B4GALNT3: variants seen among roughly 807,000 people sequenced by gnomAD.
The protein encoded by B4GALNT3 is beta-1,4-N-acetylgalactosaminyltransferase 3.
A neutral mutation model predicts 120.2 loss-of-function variants in B4GALNT3; 86 were observed. The ratio of observed to expected loss-of-function variants is 0.72; its 90% CI spans 0.60 to 0.86. The LOEUF is 0.86. Ranked by LOEUF, B4GALNT3 falls within the 40% of genes least tolerant of loss-of-function variation. B4GALNT3 has a pLI of 0.00. For synonymous variants in B4GALNT3, 518 were observed against 510.4 expected (o/e 1.01, Z -0.20); for missense variants, 1,167 against 1,298.9 (o/e 0.90, Z 1.56).
At chr12:547,056 G>A (rs1253459850) in intron 7 of B4GALNT3, among the ~76,000 whole-genome samples, 1 of 152,190 alleles carries the variant, frequency 6.6e-6, no homozygotes, top group African/African-American at 2.4e-5. Context: ...CCCCTCGGTC[G>A]TCTGGGGACA....
chr12:519,208 A>C (rs1272516396), intron 1 of B4GALNT3, among the ~76,000 whole-genome samples: 2 of 152,236 alleles, frequency 1.3e-5, no homozygotes, highest in Non-Finnish European at 2.9e-5. Flanking sequence ...AATTGCCTAC[A>C]ACAGGCTCTT....
chr12:507,729 G>A (rs1356474353), intron 1 of B4GALNT3, among the ~76,000 whole-genome samples: 1 of 152,270 alleles, frequency 6.6e-6, no homozygotes, highest in Non-Finnish European at 1.5e-5. Flanking sequence ...GCACTAGGTA[G>A]CAGCATTCCA....
At chr12:549,373 G>GTGCTT (rs1349114800) in intron 9 of B4GALNT3, among the ~76,000 whole-genome samples, 1 of 152,234 alleles carries the variant, frequency 6.6e-6, no homozygotes, top group Non-Finnish European at 1.5e-5. Flanking sequence ...AAGGCATGTG[G>GTGCTT]TGCTTTTGGA....
chr12:529,164 C>T (rs908175951), intron 1 of B4GALNT3, among the ~76,000 whole-genome samples: 1 of 152,150 alleles, frequency 6.6e-6, no homozygotes, highest in African/African-American at 2.4e-5. Flanking sequence ...GAGCCCTGCC[C>T]CAAAAGAGCT....
intron 1 of B4GALNT3, among the ~76,000 whole-genome samples, chr12:505,577 C>T (rs919545966): frequency 1.3e-5 from 2 of 152,224 alleles, no homozygotes; most frequent in African/African-American, 4.8e-5. Flanking sequence ...TTTGCCCCAT[C>T]CTTGAGTTTG....
At position 559,327 on chromosome 12, in the gene B4GALNT3, G is replaced by A. The variant is rs1391162321; in HGVS notation, c.2794G>A (p.Gly932Ser). 6.2e-7 allele frequency: 1 copy of A among 1,614,084 alleles called. No homozygotes were observed. The highest frequency in any genetic ancestry group is 2.2e-5 in the East Asian group (1 of 44,866). Reference sequence around the variant, plus strand: ...GGAGGTGAATGGGTTCGGGCTGCTTGGCATCTACAAGTCTGACCTGGACAG... The same window carrying A: ...GGAGGTGAATGGGTTCGGGCTGCTTAGCATCTACAAGTCTGACCTGGACAG... ...YWEVNGFGLL[G>S]IYKSDLDRIG... The change falls in exon 19 of 20, where the codon GGC (glycine) becomes AGC (serine). Residue 932 changes from glycine to serine, a missense_variant. Transcript: ENST00000266383.
Position 549,759 on chromosome 12 carries a change from C to G in B4GALNT3, c.854-10C>G. The G allele has an allele frequency of 6.2e-7, 1 of 1,613,738 alleles. No homozygotes were observed. The highest frequency in any genetic ancestry group is 8.5e-7 in the Non-Finnish European group (1 of 1,180,018). ...CACAGCCTCCTGCTTTCTTTCCTCC[C>G]TGCGCCCAGATGAGACGTTCCTACA... On this transcript the variant is annotated splice_polypyrimidine_tract_variant and intron_variant, in intron 9 of 19. Coordinates refer to ENST00000266383, the MANE Select transcript of B4GALNT3 (RefSeq NM_173593.4).
chr12:465,100 A>G (rs1946063595), intron 1 of B4GALNT3, among the ~76,000 whole-genome samples: 2 of 152,104 alleles, frequency 1.3e-5, no homozygotes, highest in Non-Finnish European at 2.9e-5. Flanking sequence ...AGCAAGCACA[A>G]CCGCCTCGTG....
At chr12:521,304 TAA>T (rs1946706893) in intron 1 of B4GALNT3, among the ~76,000 whole-genome samples, 1 of 152,184 alleles carries the variant, frequency 6.6e-6, no homozygotes, top group Non-Finnish European at 1.5e-5. Context: ...CCCAGGAATT[TAA>T]ATCCTAAGTC....
chr12:510,115 C>T (rs1182378930), intron 1 of B4GALNT3, among the ~76,000 whole-genome samples: 1 of 152,104 alleles, frequency 6.6e-6, no homozygotes, highest in African/African-American at 2.4e-5. Flanking sequence ...GCAAGATGAG[C>T]GATGGACCCA....
At chr12:511,227 A>G (rs1946546824) in intron 1 of B4GALNT3, among the ~76,000 whole-genome samples, 1 of 149,356 alleles carries the variant, frequency 6.7e-6, no homozygotes, top group Non-Finnish European at 1.5e-5. Flanking sequence ...GGTACCTTCC[A>G]CCATCCACCT....
intron 1 of B4GALNT3, among the ~76,000 whole-genome samples, chr12:528,838 A>G (rs1031917800): frequency 2.0e-5 from 3 of 152,164 alleles, no homozygotes; most frequent in African/African-American, 7.2e-5. Flanking sequence ...CCTGGATGTC[A>G]TGGCCTCATG....
At chr12:501,123 C>G (rs990598805) in intron 1 of B4GALNT3, among the ~76,000 whole-genome samples, 7 of 152,082 alleles carry the variant, frequency 4.6e-5, no homozygotes, top group Admixed American at 3.3e-4. Context: ...GATCCACCCC[C>G]CTCAGCCTCC....
rs938611844 is a variant in B4GALNT3 at position 460,709 on chromosome 12, CG to C, written c.169+169del. ...GCGCGTACTCGGGGAGAGCTGCGGG[CG>C]GGGGAAGCCGCGGGGCCGAGCGCAG... On this transcript the variant is annotated intron_variant, in intron 1 of 19. Transcript: ENST00000266383. The surrounding 1 kb of genome is among the most constrained non-coding windows in gnomAD (Gnocchi z 8.0). 6.6e-6 allele frequency among the ~76,000 whole-genome samples: 1 copy of C among 151,982 alleles called. No homozygotes were observed. Among genetic ancestry groups the C allele is most frequent in the South Asian group, 2.1e-4 (1 of 4,824 alleles).
intron 1 of B4GALNT3, among the ~76,000 whole-genome samples, chr12:468,658 A>G (rs755260709): frequency 5.9e-5 from 9 of 152,254 alleles, no homozygotes; most frequent in Non-Finnish European, 1.3e-4. Context: ...GGACACCTCA[A>G]CATGAAGATC....
rs1439672514 is a variant in B4GALNT3, at chr12:544,973, G to T, written c.538+1G>T. On this transcript the variant is annotated splice_donor_variant, in intron 5 of 19. Transcript: ENST00000266383. LOFTEE classifies it high-confidence loss of function. ...GGCTACCTGCACCCCTTTACTGATG[G>T]TGAGGCCAGCCCCAAAACCCCATCC... 5 of 1,613,646 alleles carry T rather than the reference G, an allele frequency of 3.1e-6. No individual in the cohort carries two copies. The highest frequency in any genetic ancestry group is 3.4e-6 in the Non-Finnish European group (4 of 1,179,832).
Position 548,352 on chromosome 12 carries a change from C to T in B4GALNT3, c.853+55C>T. The T allele has an allele frequency of 6.4e-7, 1 of 1,558,384 alleles. No individual in the cohort carries two copies. The highest frequency in any genetic ancestry group is 1.1e-5 in the South Asian group (1 of 89,786). On this transcript the variant is annotated intron_variant, in intron 9 of 19. Transcript: ENST00000266383. This position sits in a 1 kb window ranked among gnomAD's most constrained non-coding sequence, Gnocchi z 4.9. ...TGGAGGCCAGGTGGGGACAGCCTAC[C>T]CTGGGGGATTTGGCAGGGGAGGAGG...
In B4GALNT3 at chr12:481,600, A is replaced by G. The variant is rs11063203; in HGVS notation, c.169+21055A>G. On this transcript the variant is annotated intron_variant, in intron 1 of 19. Transcript: ENST00000266383. ...CAGGCCCCAGTCATTACCTCACCGCAGGGCCCCTGTCTGCCAGAGTGCATG... is the reference window on the plus strand; with the variant it reads ...CAGGCCCCAGTCATTACCTCACCGCGGGGCCCCTGTCTGCCAGAGTGCATG... 7.3e-3 allele frequency among the ~76,000 whole-genome samples: 1,111 copies of G among 152,286 alleles called. 14 individuals are homozygous for G. Among genetic ancestry groups the G allele is most frequent in the Middle Eastern group, 0.01 (3 of 294 alleles).
At chr12:542,437 G>C (rs1188226043) in intron 3 of B4GALNT3, among the ~76,000 whole-genome samples, 1 of 152,212 alleles carries the variant, frequency 6.6e-6, no homozygotes, top group Non-Finnish European at 1.5e-5. Flanking sequence ...TCCCCTCAGA[G>C]CTCCTAAGGG....
Sources: gnomAD v4.1 joint callset for allele counts (sites outside exome capture counted in the v4.1 genomes callset) on GRCh38, gnomAD v4.1.1 for gene constraint, Gnocchi (gnomAD v3.1) non-coding constraint, MANE v1.5 for transcripts, NCBI Gene and HGNC (gene_info 2026-07-23, HGNC 2026-07-21) for gene names.